Variants in SYT1 observed in about 807,000 individuals in gnomAD.
The protein encoded by SYT1 is synaptotagmin 1.
SYT1 carries 8 observed loss-of-function variants against 44.8 expected under a neutral mutation model. The ratio of observed to expected loss-of-function variants is 0.18; its 90% CI spans 0.10 to 0.32. The LOEUF (loss-of-function observed/expected upper bound fraction) is 0.32, where lower values mean the gene tolerates loss of function less well. Among genes scored for constraint, SYT1 ranks in the 10% least tolerant of loss-of-function variants. SYT1 has a pLI of 1.00. For synonymous variants in SYT1, 154 were observed against 188.8 expected (o/e 0.82, Z 1.51); for missense variants, 286 against 509.3 (o/e 0.56, Z 4.22).
intron 1 of SYT1, among the ~76,000 whole-genome samples, chr12:78,890,694 C>T (rs2137073057): frequency 6.6e-6 from 1 of 151,926 alleles, no homozygotes; most frequent in East Asian, 2.0e-4. Flanking sequence ...ACTCCCTCAT[C>T]TTTCCCAAAA....
At chr12:79,305,852 A>G (rs1169012032) in intron 8 of SYT1, among the ~76,000 whole-genome samples, 1 of 152,162 alleles carries the variant, frequency 6.6e-6, no homozygotes, top group East Asian at 1.9e-4. Flanking sequence ...GCCTGCCACC[A>G]TGCCCAGCTA....
In SYT1 at chr12:79,151,898, A is replaced by C. The variant is rs1387778076; in HGVS notation, c.-17-65605A>C. ...AGGAGAGAGAAATTGGGGGCTTATCAGCAAAGTTGAATGTCAAACCACATA... is the reference window on the plus strand; with the variant it reads ...AGGAGAGAGAAATTGGGGGCTTATCCGCAAAGTTGAATGTCAAACCACATA... On this transcript the variant is annotated intron_variant, in intron 3 of 10. Coordinates refer to ENST00000261205, the MANE Select transcript of SYT1 (RefSeq NM_005639.3). Among the ~76,000 whole-genome samples, 4 of 152,170 alleles carry C rather than the reference A, an allele frequency of 2.6e-5. No homozygotes were observed. The East Asian group carries it at 5.8e-4, about 22-fold the overall frequency.
At chr12:78,944,390 A>G (rs924339246) in intron 1 of SYT1, among the ~76,000 whole-genome samples, 1 of 151,992 alleles carries the variant, frequency 6.6e-6, no homozygotes, top group Admixed American at 6.6e-5. Flanking sequence ...CAAACAACTT[A>G]GTTTCTATTT....
At chr12:79,389,041 A>G (rs1387973169) in intron 9 of SYT1, among the ~76,000 whole-genome samples, 1 of 152,220 alleles carries the variant, frequency 6.6e-6, no homozygotes, top group Non-Finnish European at 1.5e-5. Flanking sequence ...AATCTGCTTA[A>G]TAAGTAGATA....
chr12:78,881,196 C>T (rs894594290), intron 1 of SYT1, among the ~76,000 whole-genome samples: 2 of 151,508 alleles, frequency 1.3e-5, no homozygotes, highest in Admixed American at 6.6e-5. Flanking sequence ...TACTTGTCAC[C>T]CCCAAATACT....
chr12:79,217,436 A>G, intron 3 of SYT1, 67 bp from the exon 4 acceptor site: 1 of 1,360,528 alleles, frequency 7.4e-7, no homozygotes, highest in Non-Finnish European at 9.6e-7. Flanking sequence ...CATCTCTGGG[A>G]TACCTTTGAT....
chr12:79,415,442 A>C (rs1219438228), intron 9 of SYT1, among the ~76,000 whole-genome samples: 2 of 152,192 alleles, frequency 1.3e-5, no homozygotes, highest in Non-Finnish European at 2.9e-5. Context: ...TGTAAAATAG[A>C]ATATCAATTG....
At chr12:79,381,723 G>A (rs1173832287) in intron 9 of SYT1, among the ~76,000 whole-genome samples, 1 of 152,164 alleles carries the variant, frequency 6.6e-6, no homozygotes, top group African/African-American at 2.4e-5. Context: ...GCTACAAATT[G>A]CGTGGAAGCA....
intron 4 of SYT1, among the ~76,000 whole-genome samples, chr12:79,257,336 G>T (rs762047525): frequency 6.6e-6 from 1 of 152,136 alleles, no homozygotes; most frequent in Non-Finnish European, 1.5e-5. Context: ...TATGTTTGTC[G>T]CACAGCTAAT....
At chr12:79,287,599 A>T (rs962979189) in intron 5 of SYT1, among the ~76,000 whole-genome samples, 2 of 152,152 alleles carry the variant, frequency 1.3e-5, no homozygotes, top group African/African-American at 4.8e-5. Context: ...TAAAATTTGA[A>T]TGTGGTTTCC....
In SYT1 at chr12:79,450,609, G is replaced by T. The variant is rs1040723749; in HGVS notation, c.*1485G>T. On this transcript the variant is annotated 3_prime_UTR_variant, in exon 11 of 11. Transcript: ENST00000261205. ...GTGACTGCCGTGTGTGCTTAGACCCGTAGTTTCCTCAGTGGATAGCACTCA... is the reference window on the plus strand; with the variant it reads ...GTGACTGCCGTGTGTGCTTAGACCCTTAGTTTCCTCAGTGGATAGCACTCA... 1 of 152,576 alleles carries T rather than the reference G, an allele frequency of 6.6e-6. No individual in the cohort carries two copies. Among genetic ancestry groups the T allele is most frequent in the Non-Finnish European group, 1.5e-5 (1 of 68,036 alleles). 9.5% of individuals were successfully genotyped at this position (152,576 alleles called of 1,614,324 possible).
chr12:79,268,155 G>A (rs1035823947), intron 4 of SYT1, among the ~76,000 whole-genome samples: 2 of 152,054 alleles, frequency 1.3e-5, no homozygotes, highest in African/African-American at 2.4e-5. Flanking sequence ...AAAATTTATC[G>A]AAGCATAGAT....
intron 8 of SYT1, among the ~76,000 whole-genome samples, chr12:79,323,410 G>A (rs574642443): frequency 5.3e-5 from 8 of 152,070 alleles, no homozygotes; most frequent in Admixed American, 2.0e-4. Context: ...ATGGAAAGTC[G>A]GATAAATGTA....
chr12:79,398,592 G>A (rs1366238959), intron 9 of SYT1, among the ~76,000 whole-genome samples: 2 of 152,090 alleles, frequency 1.3e-5, no homozygotes, highest in African/African-American at 4.8e-5. Context: ...TAGAAGTCAA[G>A]AATAAGGTCC....
intron 2 of SYT1, among the ~76,000 whole-genome samples, chr12:79,010,114 G>A (rs1871323621): frequency 6.6e-6 from 1 of 152,148 alleles, no homozygotes; most frequent in Non-Finnish European, 1.5e-5. Context: ...GTAGGTTAAT[G>A]TTTCTTTATC....
At chr12:79,173,704 G>C (rs1183587994) in intron 3 of SYT1, among the ~76,000 whole-genome samples, 1 of 152,040 alleles carries the variant, frequency 6.6e-6, no homozygotes, top group Non-Finnish European at 1.5e-5. Flanking sequence ...CTACCATAAG[G>C]AGCCTTGTAA....
intron 3 of SYT1, among the ~76,000 whole-genome samples, chr12:79,190,848 T>C (rs1873074584): frequency 6.6e-6 from 1 of 152,234 alleles, no homozygotes; most frequent in South Asian, 2.1e-4. Flanking sequence ...CCCCAATCAT[T>C]CTTTTGATAG....
chr12:78,946,704 A>G (rs377444247), intron 1 of SYT1, among the ~76,000 whole-genome samples: 1 of 152,128 alleles, frequency 6.6e-6, no homozygotes, highest in Non-Finnish European at 1.5e-5. Flanking sequence ...AAAAAAAGAA[A>G]AAAAAAGAAA....
intron 9 of SYT1, among the ~76,000 whole-genome samples, chr12:79,398,053 T>G (rs763776080): frequency 6.6e-6 from 1 of 152,222 alleles, no homozygotes; most frequent in African/African-American, 2.4e-5. Context: ...AACCTTCTAA[T>G]TGAATTAATT....
Sources: allele counts gnomAD v4.1 joint callset (sites outside exome capture counted in the v4.1 genomes callset), GRCh38; gene constraint gnomAD v4.1.1; transcripts MANE v1.5; gene names NCBI Gene and HGNC (gene_info 2026-07-23, HGNC 2026-07-21).